LMCD1: variants seen among roughly 807,000 people sequenced by gnomAD.
LMCD1 encodes LIM and cysteine rich domains 1, also known as LIM and cysteine-rich domains protein 1.
A neutral mutation model predicts 42.7 loss-of-function variants in LMCD1; 32 were observed. That is an observed-to-expected ratio of 0.75 (90% CI 0.57 to 1.01). LMCD1 has a LOEUF of 1.01. Among genes scored for constraint, LMCD1 ranks in the 50% least tolerant of loss-of-function variants. LMCD1 has a pLI of 0.00. For missense variants in LMCD1, 458 were observed against 483.1 expected, an observed-to-expected ratio of 0.95 and a Z score of 0.49; for synonymous variants, 178 against 184.9, an observed-to-expected ratio of 0.96 and a Z score of 0.30.
At chr3:8,529,991 A>T (rs1216513578) in intron 1 of LMCD1, among the ~76,000 whole-genome samples, 1 of 152,162 alleles carries the variant, frequency 6.6e-6, no homozygotes, top group African/African-American at 2.4e-5. Flanking sequence ...CAACAAGCCT[A>T]CTTGCCCAAG....
intron 4 of LMCD1, chr3:8,550,250 C>A: frequency 9.4e-7 from 1 of 1,066,158 alleles, no homozygotes; most frequent in South Asian, 3.5e-5. Flanking sequence ...GGTCCCCAGC[C>A]CCTGTTTTAC....
chr3:8,516,883 A>C (rs921373037), intron 1 of LMCD1, among the ~76,000 whole-genome samples: 2 of 152,192 alleles, frequency 1.3e-5, no homozygotes, highest in Non-Finnish European at 2.9e-5. Context: ...ACCATGTCGT[A>C]CCTTTGATGT....
At chr3:8,532,680 C>T in intron 1 of LMCD1, 57 bp from the exon 2 acceptor site, 3 of 1,481,650 alleles carry the variant, frequency 2.0e-6, no homozygotes, top group Admixed American at 1.7e-5. Context: ...AGAGGTCAAG[C>T]ATCTCCGGTC....
intron 1 of LMCD1, among the ~76,000 whole-genome samples, chr3:8,504,834 G>A (rs1693845619): frequency 6.6e-6 from 1 of 152,188 alleles, no homozygotes; most frequent in South Asian, 2.1e-4. Context: ...CCATTTTTCT[G>A]GGTGAAACCA....
intron 1 of LMCD1, among the ~76,000 whole-genome samples, chr3:8,523,689 G>A (rs1030993152): frequency 6.6e-6 from 1 of 152,326 alleles, no homozygotes; most frequent in African/African-American, 2.4e-5. Context: ...GGAGCAAGAT[G>A]GGGAACATTT....
chr3:8,537,398 C>CA lies in LMCD1; in HGVS notation c.346dup (p.Ile116AsnfsTer50). The CA allele has an allele frequency of 6.2e-7, 1 of 1,608,856 alleles. No individual in the cohort carries two copies. Among genetic ancestry groups the CA allele is most frequent in the Non-Finnish European group, 8.5e-7 (1 of 1,175,870 alleles). ...CTGGGAAAGATCCCACTTTTGACAC[C>CA]ATCACCTACGAGTGGGCTCCCCCTG... On this transcript the variant is annotated frameshift_variant, in exon 3 of 6. Transcript: ENST00000157600. LOFTEE classifies it high-confidence loss of function.
At chr3:8,520,950 C>T (rs1221310326) in intron 1 of LMCD1, among the ~76,000 whole-genome samples, 1 of 152,186 alleles carries the variant, frequency 6.6e-6, no homozygotes, top group Non-Finnish European at 1.5e-5. Flanking sequence ...AATTCTGAAA[C>T]AGCGGAAAAT....
intron 1 of LMCD1, among the ~76,000 whole-genome samples, chr3:8,521,897 T>G (rs1038744909): frequency 3.9e-5 from 6 of 152,096 alleles, no homozygotes; most frequent in African/African-American, 9.7e-5. Flanking sequence ...TTTTGGTTTT[T>G]GTTTTTTTTC....
intron 2 of LMCD1, among the ~76,000 whole-genome samples, chr3:8,535,592 C>T (rs1694495061): frequency 6.6e-6 from 1 of 152,212 alleles, no homozygotes; most frequent in Admixed American, 6.5e-5. Context: ...AAACTCATGA[C>T]CACTAAGCAC....
At position 8,509,681 on chromosome 3, in the gene LMCD1, A is replaced by C. The variant is rs59313544; in HGVS notation, c.42+7701A>C. On this transcript the variant is annotated intron_variant, in intron 1 of 5. Transcript: ENST00000157600. ...GTGTTCCTTGACCTCTCCCCTCCCC[A>C]ACACACACACATACCTCTCCTTCCT... 9.9e-3 allele frequency among the ~76,000 whole-genome samples: 1,510 copies of C among 152,134 alleles called. 23 individuals are homozygous for C. Among genetic ancestry groups the C allele is most frequent in the African/African-American group, 0.034 (1,408 of 41,480 alleles).
At chr3:8,532,711 C>T (rs879633244) in intron 1 of LMCD1, 26 bp from the exon 2 acceptor site, 5 of 1,605,162 alleles carry the variant, frequency 3.1e-6, no homozygotes, top group Non-Finnish European at 4.3e-6. Flanking sequence ...GGAAGGAAAA[C>T]ACCCTCTTTT....
chr3:8,565,516 C>G lies in LMCD1; in HGVS notation c.808C>G (p.Pro270Ala). ...GGCAGGCTACAACAAGCAGTGGCAC[C>G]CCACCTGCTTTGTGTGTGCCAAGTG... is the stretch of plus-strand genomic sequence containing the variant. ...DRAGYNKQWH[P>A]TCFVCAKCSE... Residue 270 changes from proline (P) to alanine (A), a missense_variant, in exon 5 of 6, where the codon CCC becomes GCC. By Grantham distance (27) the Pro-to-Ala change is conservative (BLOSUM62 -1). Transcript: ENST00000157600. 6.2e-7 allele frequency: 1 copy of G among 1,614,172 alleles called. No homozygotes were observed. The highest frequency in any genetic ancestry group is 8.5e-7 in the Non-Finnish European group (1 of 1,180,006).
chr3:8,533,595 G>A (rs1694454318), intron 2 of LMCD1, among the ~76,000 whole-genome samples: 1 of 152,212 alleles, frequency 6.6e-6, no homozygotes, highest in East Asian at 1.9e-4. Flanking sequence ...ACAAAGTTTG[G>A]AAGGTGTTTT....
chr3:8,548,831 G>T lies in LMCD1; in HGVS notation c.651G>T (p.Lys217Asn). 6.3e-7 allele frequency: 1 copy of T among 1,598,894 alleles called. No individual in the cohort carries two copies. Among genetic ancestry groups the T allele is most frequent in the Non-Finnish European group, 8.5e-7 (1 of 1,169,734 alleles). The change falls in exon 4 of 6, where the codon AAG becomes AAT. Residue 217 changes from lysine to asparagine, a missense_variant. Transcript: ENST00000157600. The stretch of plus-strand genomic sequence containing the variant: ...AGGAGGAGGGGAAGCAGCAGGAAAA[G>T]CCAGAGGGGGCAGAGACCACTGCTG... ...LPKEEGKQQE[K>N]PEGAETTAAT...
At chr3:8,531,049 A>G (rs976523023) in intron 1 of LMCD1, among the ~76,000 whole-genome samples, 11 of 152,212 alleles carry the variant, frequency 7.2e-5, no homozygotes, top group Admixed American at 2.0e-4. Context: ...GGAGTGAGGC[A>G]TTATTGTGAG....
intron 3 of LMCD1, among the ~76,000 whole-genome samples, chr3:8,539,428 CG>C (rs1377846732): frequency 6.6e-6 from 1 of 152,146 alleles, no homozygotes; most frequent in Non-Finnish European, 1.5e-5. Context: ...GGGCTTGTCC[CG>C]GGCCACAGAG....
intron 4 of LMCD1, among the ~76,000 whole-genome samples, chr3:8,553,095 G>T (rs1694869049): frequency 6.6e-6 from 1 of 152,188 alleles, no homozygotes; most frequent in Admixed American, 6.5e-5. Context: ...TGGAAGCACA[G>T]GTGCAGAATC....
At position 8,537,080 on chromosome 3, in the gene LMCD1, C is replaced by G. The variant is rs527918997; in HGVS notation, c.132-105C>G. ...ATTTGTCCGCTGCTAGTTTTTCCAA[C>G]TTAAAGTTTTAGCTTGCTTTCAAAA... On this transcript the variant is annotated intron_variant, in intron 2 of 5. Coordinates refer to ENST00000157600, the MANE Select transcript of LMCD1 (RefSeq NM_014583.4). The G allele has an allele frequency of 1.6e-4, 214 of 1,339,100 alleles. 1 individual carries two copies. Among genetic ancestry groups the G allele is most frequent in the Non-Finnish European group, 2.1e-4 (206 of 988,416 alleles). The allele number at this position is 1,339,100 out of a possible 1,614,324, so 83.0% of individuals were successfully genotyped here. A position where few individuals can be genotyped will look rare whatever the true frequency, so the allele number is the denominator to read the frequency against.
intron 1 of LMCD1, chr3:8,514,854 G>A (rs1694069080): frequency 2.3e-6 from 1 of 443,834 alleles, no homozygotes; most frequent in Non-Finnish European, 4.6e-6. Flanking sequence ...ATAAGAAGAG[G>A]TGTTTATTGA....
Sources: allele counts gnomAD v4.1 joint callset (sites outside exome capture counted in the v4.1 genomes callset), GRCh38; gene constraint gnomAD v4.1.1; transcripts MANE v1.5; gene names NCBI Gene and HGNC (gene_info 2026-07-23, HGNC 2026-07-21).